Variants in PIGV observed in about 807,000 individuals in gnomAD.
PIGV encodes the protein GPI alpha-1,6-mannosyltransferase 2.
PIGV carries 27 observed loss-of-function variants against 39.2 expected under a neutral mutation model. That is an observed-to-expected ratio of 0.69 (90% confidence interval 0.51 to 0.95). The LOEUF (loss-of-function observed/expected upper bound fraction) is 0.95, where lower values mean the gene tolerates loss of function less well. Among genes scored for constraint, PIGV ranks in the 40% least tolerant of loss-of-function variants. The pLI, the probability that PIGV is intolerant of heterozygous loss-of-function variation, is 0.00. For missense variants in PIGV, 523 were observed against 586.4 expected, an observed-to-expected ratio of 0.89 and a Z score of 1.12; for synonymous variants, 232 against 241.7, an observed-to-expected ratio of 0.96 and a Z score of 0.37.
intron 2 of PIGV, among the ~76,000 whole-genome samples, chr1:26,793,445 A>G (rs1039926856): frequency 6.6e-6 from 1 of 152,318 alleles, no homozygotes; most frequent in East Asian, 1.9e-4. Flanking sequence ...TACCAGCAGC[A>G]TTTAACAGAG....
chr1:26,789,277 C>A (rs373564429), intron 1 of PIGV, among the ~76,000 whole-genome samples: 43 of 152,332 alleles, frequency 2.8e-4, no homozygotes, highest in Non-Finnish European at 5.0e-4. Context: ...GTGAGCCAAC[C>A]GGTGTGGAAT....
rs2081423153 is a variant in PIGV at position 26,799,125 on chromosome 1, G to A, written c.*1281G>A. ...AATTAGAAGAAACTCCTCCTCCACC[G>A]AGTGCAACTCTTGGGAGTAATTTAG... On this transcript the variant is annotated 3_prime_UTR_variant, in exon 4 of 4. Transcript: ENST00000674202. Among the ~76,000 whole-genome samples, 2 of 152,172 alleles carry A rather than the reference G, an allele frequency of 1.3e-5. No individual in the cohort carries two copies. The highest frequency in any genetic ancestry group is 1.5e-5 in the Non-Finnish European group (1 of 68,028).
At chr1:26,790,672 A>C in intron 1 of PIGV, 87 bp from the exon 2 acceptor site, 1 of 682,554 alleles carries the variant, frequency 1.5e-6, no homozygotes, top group Non-Finnish European at 2.6e-6. Flanking sequence ...TTGTCATAGT[A>C]ATTCTGAGAG....
At position 26,794,712 on chromosome 1, in the gene PIGV, G is replaced by A. The variant is rs769023704; in HGVS notation, c.678G>A (p.Thr226=). The change falls in exon 3 of 4, where the codon ACG becomes ACA. Residue 226 remains threonine, a synonymous_variant. Transcript: ENST00000674202. ...GCCAAGGCTTTTTCTCTTCTCTAAC[G>A]ATGCTGAATCCTCTGAGACAGCTCT... The part of the protein sequence containing the change: ...SQCQGFFSSL[T]MLNPLRQLFK... 3.1e-6 allele frequency: 5 copies of A among 1,614,144 alleles called. No individual in the cohort carries two copies. Among genetic ancestry groups the A allele is most frequent in the East Asian group, 2.2e-5 (1 of 44,888 alleles).
In PIGV at chr1:26,794,915, C is replaced by T; in HGVS notation, c.881C>T (p.Pro294Leu). Reference protein sequence around the residue: ...GYRIAEGNEPPWCFWDVPLIY... With the variant: ...GYRIAEGNEPLWCFWDVPLIY... The stretch of plus-strand genomic sequence containing the variant: ...CGGATTGCAGAGGGAAATGAACCGC[C>T]TTGGTGCTTCTGGGATGTTCCACTA... The change falls in exon 3 of 4, where the codon CCT (proline) becomes CTT (leucine). Residue 294 changes from proline (P) to leucine (L), a missense_variant. Physicochemically the swap from Pro to Leu is moderately conservative, Grantham distance 98. Transcript: ENST00000674202. The T allele has an allele frequency of 6.2e-7, 1 of 1,614,174 alleles. No individual in the cohort carries two copies. The highest frequency in any genetic ancestry group is 8.5e-7 in the Non-Finnish European group (1 of 1,180,016).
At chr1:26,792,344 G>A (rs1570639148) in intron 2 of PIGV, among the ~76,000 whole-genome samples, 2 of 143,922 alleles carry the variant, frequency 1.4e-5, no homozygotes, top group African/African-American at 2.6e-5. Context: ...TTTTTGAGAC[G>A]GAGTCTCGCT....
rs769517639 is a variant in PIGV at position 26,794,966 on chromosome 1, A to G, written c.932A>G (p.Tyr311Cys). ...ATATACAGCTATATCCAGGATGTCTACTGGAATGTTGGCTTTTTGAAATAC... is the reference window on the plus strand; with the variant it reads ...ATATACAGCTATATCCAGGATGTCTGCTGGAATGTTGGCTTTTTGAAATAC... ...PLIYSYIQDV[Y>C]WNVGFLKYYE... Residue 311 changes from tyrosine to cysteine, a missense_variant, in exon 3 of 4, where the codon TAC becomes TGC. Physicochemically the swap from Tyr to Cys is radical, Grantham distance 194 (BLOSUM62 -2). Transcript: ENST00000674202. 1 of 1,614,014 alleles carries G rather than the reference A, an allele frequency of 6.2e-7. No homozygotes were observed. Among genetic ancestry groups the G allele is most frequent in the African/African-American group, 1.3e-5 (1 of 75,018 alleles).
chr1:26,795,067 T>C lies in PIGV; in HGVS notation c.1033T>C (p.Tyr345His), dbSNP rs1052062433. The C allele has an allele frequency of 6.2e-7, 1 of 1,614,114 alleles. No homozygotes were observed. Among genetic ancestry groups the C allele is most frequent in the African/African-American group, 1.3e-5 (1 of 74,936 alleles). Reference protein sequence around the residue: ...AILVAWATWTYVTTHPWLCLT... With the variant: ...AILVAWATWTHVTTHPWLCLT... ...ACTGGTTGCCTGGGCAACTTGGACA[T>C]ACGTGACCACTCACCCTTGGCTCTG... Residue 345 changes from tyrosine (Y) to histidine (H), a missense_variant, in exon 3 of 4, where the codon TAC (tyrosine) becomes CAC (histidine). Physicochemically the swap from Tyr to His is moderately conservative, Grantham distance 83. Transcript: ENST00000674202.
intron 3 of PIGV, among the ~76,000 whole-genome samples, chr1:26,797,107 G>A (rs2081393835): frequency 2.0e-5 from 3 of 152,174 alleles, no homozygotes; most frequent in African/African-American, 4.8e-5. Context: ...TTAGCTGAGG[G>A]AGGCCATTTG....
chr1:26,793,662 CA>C (rs2081340598), intron 2 of PIGV, among the ~76,000 whole-genome samples: 1 of 152,192 alleles, frequency 6.6e-6, no homozygotes, highest in African/African-American at 2.4e-5. Context: ...AATACAGTGG[CA>C]CAATCATGTC....
At chr1:26,793,056 T>G (rs956711354) in intron 2 of PIGV, among the ~76,000 whole-genome samples, 7 of 152,256 alleles carry the variant, frequency 4.6e-5, no homozygotes, top group African/African-American at 1.7e-4. Flanking sequence ...CTTTCAGTAC[T>G]GAAGGTTGGA....
chr1:26,797,324 T>C (rs1397452255), intron 3 of PIGV, among the ~76,000 whole-genome samples: 2 of 152,222 alleles, frequency 1.3e-5, no homozygotes, highest in African/African-American at 4.8e-5. Flanking sequence ...ATTATTTTAA[T>C]AGTAATTAAT....
chr1:26,797,476 CAGCAGT>C, intron 3 of PIGV, 81 bp from the exon 4 acceptor site: 2 of 1,021,346 alleles, frequency 2.0e-6, no homozygotes, highest in Non-Finnish European at 3.1e-6. Context: ...ATAGTTCACC[CAGCAGT>C]AGAGAAGTCC....
chr1:26,797,937 C>A lies in PIGV; in HGVS notation c.*93C>A. 9.7e-7 allele frequency: 1 copy of A among 1,035,006 alleles called. No individual in the cohort carries two copies. Among genetic ancestry groups the A allele is most frequent in the Non-Finnish European group, 1.5e-6 (1 of 658,826 alleles). The allele number at this position is 1,035,006 out of a possible 1,614,324, so 64.1% of individuals were successfully genotyped here. On this transcript the variant is annotated 3_prime_UTR_variant, in exon 4 of 4. Transcript: ENST00000674202. ...GGAACTGCCTCTGCTGCCCTGGGAT[C>A]ATTACTGTGTCCATTATAATCTTTC...
Position 26,794,847 on chromosome 1 carries a change from C to A in PIGV, c.813C>A (p.Pro271=), listed in dbSNP as rs768138658. 1.2e-6 allele frequency: 2 copies of A among 1,614,098 alleles called. No homozygotes were observed. Among genetic ancestry groups the A allele is most frequent in the East Asian group, 4.5e-5 (2 of 44,888 alleles). Residue 271 remains proline (P), a synonymous_variant, in exon 3 of 4, where the codon CCC becomes CCA. Coordinates refer to ENST00000674202, the MANE Select transcript of PIGV (RefSeq NM_017837.4). ...TQFCLPGSAR[P]IPEPLVQLAV... ...TCTGTCTGCCAGGCTCAGCCCGCCC[C>A]ATTCCTGAGCCTTTGGTACAGTTAG...
chr1:26,790,962 C>T, intron 2 of PIGV, 69 bp downstream of exon 2: 1 of 1,278,870 alleles, frequency 7.8e-7, no homozygotes, highest in South Asian at 1.2e-5. Context: ...AAGAAGTGTC[C>T]CCATCTCCTT....
intron 2 of PIGV, 123 bp from the exon 3 acceptor site, chr1:26,793,990 C>G (rs2081345944): frequency 1.1e-6 from 1 of 878,898 alleles, no homozygotes; most frequent in African/African-American, 1.7e-5. Flanking sequence ...AGTAATCCTC[C>G]CATCTCAGCC....
chr1:26,795,844 T>C (rs2081375889), intron 3 of PIGV, among the ~76,000 whole-genome samples: 1 of 151,280 alleles, frequency 6.6e-6, no homozygotes, highest in South Asian at 2.1e-4. Context: ...TATTTTATTT[T>C]ACTTTATTTA....
At chr1:26,792,274 T>C (rs1011363042) in intron 2 of PIGV, among the ~76,000 whole-genome samples, 1 of 151,656 alleles carries the variant, frequency 6.6e-6, no homozygotes, top group Non-Finnish European at 1.5e-5. Flanking sequence ...CTCCTCAGGC[T>C]CTGAAGTAGC....
Sources: allele counts gnomAD v4.1 joint callset (sites outside exome capture counted in the v4.1 genomes callset), GRCh38; gene constraint gnomAD v4.1.1; transcripts MANE v1.5; gene names NCBI Gene and HGNC (gene_info 2026-07-23, HGNC 2026-07-21).